Variants in AOX1 observed in about 807,000 individuals in gnomAD.
AOX1 encodes aldehyde oxidase.
Under a neutral mutation model 169.5 loss-of-function variants are expected in AOX1, and 153 were observed. The observed-to-expected ratio is 0.90, with a 90% CI of 0.79 to 1.03. The LOEUF (loss-of-function observed/expected upper bound fraction) is 1.03. Among genes scored for constraint, AOX1 ranks in the 50% least tolerant of loss-of-function variants. The probability of loss-of-function intolerance (pLI) is 0.00; values close to 1 mark genes in which losing one functional copy is unlikely to be tolerated. For synonymous variants in AOX1, 562 were observed against 581.9 expected (o/e 0.97, Z 0.49); for missense variants, 1,656 against 1,663.9 (o/e 1.00, Z 0.08).
downstream of AOX1, chr2:200,681,256 G>A (rs1401780936): frequency 6.6e-6 from 1 of 152,440 alleles, no homozygotes; most frequent in East Asian, 1.9e-4. Flanking sequence ...CTACCTGACA[G>A]GCTCTGGACC....
intron 13 of AOX1, 117 bp downstream of exon 13, chr2:200,611,610 A>G (rs749942038): frequency 2.8e-6 from 2 of 702,290 alleles, no homozygotes; most frequent in Non-Finnish European, 5.0e-6. Flanking sequence ...ATAAAGGCTC[A>G]ACTTCAGGAA....
chr2:200,671,939 T>C (rs1297535646), downstream of AOX1, among the ~76,000 whole-genome samples: 1 of 152,206 alleles, frequency 6.6e-6, no homozygotes, highest in Non-Finnish European at 1.5e-5. Context: ...AAATGTGGTA[T>C]ATCCACACAA....
rs976727617 is a variant in AOX1, at chr2:200,670,872, T to C, written c.*193T>C. 5 of 511,740 alleles carry C rather than the reference T, an allele frequency of 9.8e-6. No individual in the cohort carries two copies. Among genetic ancestry groups the C allele is most frequent in the Middle Eastern group, 4.7e-4 (1 of 2,120 alleles). The allele number at this position is 511,740 out of a possible 1,614,324, so 31.7% of individuals were successfully genotyped here. On this transcript the variant is annotated 3_prime_UTR_variant, in exon 35 of 35. Coordinates refer to ENST00000374700, the MANE Select transcript of AOX1 (RefSeq NM_001159.4). Reference sequence around the variant, plus strand: ...TTGATAGATATGCTTAAGCAATCTATAAATCATTTTCAATGTTATAAACAC... The same window carrying C: ...TTGATAGATATGCTTAAGCAATCTACAAATCATTTTCAATGTTATAAACAC...
chr2:200,672,367 A>G (rs1338103303), downstream of AOX1, among the ~76,000 whole-genome samples: 1 of 152,260 alleles, frequency 6.6e-6, no homozygotes, highest in African/African-American at 2.4e-5. Context: ...AGAATCAAGA[A>G]GCCTGTCCCA....
At chr2:200,659,099 G>A (rs559933451) in intron 27 of AOX1, 66 bp from the exon 28 acceptor site, 15 of 1,522,676 alleles carry the variant, frequency 9.9e-6, no homozygotes, top group Admixed American at 5.3e-5. Flanking sequence ...GTGTTACCAC[G>A]TGGGCATGTG....
At chr2:200,666,094 T>C (rs1355773283) in intron 31 of AOX1, among the ~76,000 whole-genome samples, 3 of 152,246 alleles carry the variant, frequency 2.0e-5, no homozygotes, top group African/African-American at 4.8e-5. Context: ...GCAAAGGTGT[T>C]ACTAACACTC....
intron 26 of AOX1, among the ~76,000 whole-genome samples, chr2:200,655,714 C>T (rs771202142): frequency 1.2e-4 from 18 of 152,228 alleles, no homozygotes; most frequent in South Asian, 4.1e-4. Flanking sequence ...TTGTCATTCA[C>T]GGGGGTAATG....
intron 28 of AOX1, 54 bp downstream of exon 28, chr2:200,659,347 G>A (rs549622120): frequency 3.4e-5 from 53 of 1,567,744 alleles, no homozygotes; most frequent in South Asian, 4.7e-5. Context: ...GGCCAAATAC[G>A]TGGGTGGGTG....
At chr2:200,666,663 A>T (rs1250958241) in intron 31 of AOX1, 24 bp from the exon 32 acceptor site, 1 of 1,570,212 alleles carries the variant, frequency 6.4e-7, no homozygotes, top group South Asian at 1.2e-5. Flanking sequence ...TAAAATAAAC[A>T]TTTTAACTTT....
At chr2:200,609,158 C>T (rs2034578144) in intron 11 of AOX1, 23 bp downstream of exon 11, 2 of 1,612,380 alleles carry the variant, frequency 1.2e-6, no homozygotes, top group Admixed American at 1.7e-5. Flanking sequence ...TGACAGTAAA[C>T]TCTGGTATGC....
chr2:200,641,143 C>A lies in AOX1; in HGVS notation c.2614C>A (p.His872Asn). 2 of 1,613,446 alleles carry A rather than the reference C, an allele frequency of 1.2e-6. No individual in the cohort carries two copies. The highest frequency in any genetic ancestry group is 1.7e-6 in the Non-Finnish European group (2 of 1,179,524). Residue 872 changes from histidine to asparagine, a missense_variant, in exon 24 of 35, where the codon CAT (histidine) becomes AAT (asparagine). Coordinates refer to ENST00000374700, the MANE Select transcript of AOX1 (RefSeq NM_001159.4). Reference protein sequence around the residue: ...DGRILALDMEHYSNAGASLDE... With the variant: ...DGRILALDMENYSNAGASLDE... ...CAGAATCTTGGCCCTGGACATGGAG[C>A]ATTACAGCAATGCAGGCGCCTCCTT...
At position 200,662,908 on chromosome 2, in the gene AOX1, A is replaced by G. The variant is rs2035855516; in HGVS notation, c.3482A>G (p.Tyr1161Cys). ...WEKGEGQPFE[Y>C]FVYGAACSEV... ...AAAGGCGAAGGCCAGCCCTTCGAAT[A>G]CTTTGTTTATGGAGCTGCCTGTTCC... Residue 1161 changes from tyrosine (Y) to cysteine (C), a missense_variant, in exon 31 of 35, where the codon TAC becomes TGC. Tyr to Cys is a radical substitution (Grantham distance 194). Coordinates refer to ENST00000374700, the MANE Select transcript of AOX1 (RefSeq NM_001159.4). 1 of 1,614,080 alleles carries G rather than the reference A, an allele frequency of 6.2e-7. No homozygotes were observed.
Position 200,616,011 on chromosome 2 carries a change from G to A in AOX1, c.1652G>A (p.Ser551Asn), listed in dbSNP as rs1371376027. ...CCTAGCCTTGCAGACAAGTATGAAAGTGCTTTAGAAGATCTTCATTCCAAA... is the reference window on the plus strand; with the variant it reads ...CCTAGCCTTGCAGACAAGTATGAAAATGCTTTAGAAGATCTTCATTCCAAA... ...HYPSLADKYE[S>N]ALEDLHSKHH... The change falls in exon 16 of 35, where the codon AGT becomes AAT. Residue 551 changes from serine (S) to asparagine (N), a missense_variant. Transcript: ENST00000374700. 2 of 1,613,976 alleles carry A rather than the reference G, an allele frequency of 1.2e-6. No homozygotes were observed. Among genetic ancestry groups the A allele is most frequent in the Admixed American group, 3.3e-5 (2 of 60,018 alleles).
At chr2:200,606,441 T>G (rs1304312097) in intron 10 of AOX1, among the ~76,000 whole-genome samples, 1 of 152,212 alleles carries the variant, frequency 6.6e-6, no homozygotes, top group African/African-American at 2.4e-5. Flanking sequence ...TTGTTCTTTT[T>G]GCTTAGGATT....
chr2:200,674,861 G>A (rs755942383), downstream of AOX1, among the ~76,000 whole-genome samples: 6 of 152,166 alleles, frequency 3.9e-5, no homozygotes, highest in East Asian at 1.9e-4. Flanking sequence ...TCACTTTAAC[G>A]TTTTCTGGGT....
chr2:200,674,703 A>AGTTGAT (rs2036073162), downstream of AOX1, among the ~76,000 whole-genome samples: 1 of 152,174 alleles, frequency 6.6e-6, no homozygotes, highest in African/African-American at 2.4e-5. Context: ...CTTGCCATGT[A>AGTTGAT]GCTGATGCTG....
At chr2:200,596,978 C>T (rs1457606741) in intron 3 of AOX1, among the ~76,000 whole-genome samples, 1 of 152,138 alleles carries the variant, frequency 6.6e-6, no homozygotes, top group African/African-American at 2.4e-5. Context: ...ATGCATCCAT[C>T]AGCGTGACAG....
chr2:200,635,399 A>T (rs1353763292), intron 21 of AOX1, among the ~76,000 whole-genome samples: 1 of 152,360 alleles, frequency 6.6e-6, no homozygotes, highest in East Asian at 1.9e-4. Flanking sequence ...CACAGGAAAC[A>T]GTTAAGAAAC....
intron 17 of AOX1, 25 bp from the exon 18 acceptor site, chr2:200,621,095 G>A (rs2034877395): frequency 6.3e-7 from 1 of 1,598,008 alleles, no homozygotes; most frequent in Non-Finnish European, 8.5e-7. Flanking sequence ...CCACTCTAAG[G>A]AGCTCTGCTG....
Sources: gnomAD v4.1 joint callset for allele counts (sites outside exome capture counted in the v4.1 genomes callset) on GRCh38, gnomAD v4.1.1 for gene constraint, MANE v1.5 for transcripts, NCBI Gene and HGNC (gene_info 2026-07-23, HGNC 2026-07-21) for gene names.